Variants in PBRM1 observed in about 807,000 individuals in gnomAD.
PBRM1 encodes the protein polybromo 1, also known as protein polybromo-1.
PBRM1 carries 27 observed loss-of-function variants against 194.5 expected under a neutral mutation model. The ratio of observed to expected loss-of-function variants is 0.14; its 90% CI spans 0.10 to 0.19. The LOEUF is 0.19. Among genes scored for constraint, PBRM1 ranks in the 10% least tolerant of loss-of-function variants. PBRM1 has a pLI of 1.00. For missense variants in PBRM1, 1,466 were observed against 2,077.2 expected, an observed-to-expected ratio of 0.71 and a Z score of 5.72; for synonymous variants, 655 against 693.2, an observed-to-expected ratio of 0.94 and a Z score of 0.87.
intron 15 of PBRM1, among the ~76,000 whole-genome samples, chr3:52,612,094 C>A (rs2094648244): frequency 6.6e-6 from 1 of 151,222 alleles, no homozygotes; most frequent in Non-Finnish European, 1.5e-5. Context: ...CCTGCCTCTA[C>A]TAAAAATACA....
At chr3:52,657,199 A>G (rs1181509741) in intron 5 of PBRM1, among the ~76,000 whole-genome samples, 2 of 152,218 alleles carry the variant, frequency 1.3e-5, no homozygotes, top group Non-Finnish European at 2.9e-5. Flanking sequence ...TTGTAAGACT[A>G]AAAAGTTCCA....
chr3:52,669,295 C>T (rs1377281738), intron 2 of PBRM1, among the ~76,000 whole-genome samples: 1 of 151,910 alleles, frequency 6.6e-6, no homozygotes, highest in Non-Finnish European at 1.5e-5. Context: ...TTATACCTTG[C>T]AGGAGAGGGG....
At chr3:52,685,812 C>T in exon 1 of PBRM1, 1 of 371,856 alleles carries the variant, frequency 2.7e-6, no homozygotes, top group East Asian at 5.0e-5. Context: ...GCCCCGTGGC[C>T]GCCACGGCTG....
chr3:52,676,102 G>A lies in PBRM1; in HGVS notation c.236+2398C>T, dbSNP rs1203331489. 3.1e-4 allele frequency among the ~76,000 whole-genome samples: 9 copies of A among 29,156 alleles called. 3 individuals are homozygous for A. In the East Asian group the frequency reaches 4.5e-3, roughly 15 times the overall value. 19.1% of individuals were successfully genotyped at this position (29,156 alleles called of 152,430 possible). A position where few individuals can be genotyped will look rare whatever the true frequency, so the allele number is the denominator to read the frequency against. Reference sequence around the variant, plus strand: ...TGCACTCCAGCCTGGGCGACAGAGCGAGACTCCGTCTCAAAAAAAAAAAAA... The same window carrying A: ...TGCACTCCAGCCTGGGCGACAGAGCAAGACTCCGTCTCAAAAAAAAAAAAA... On this transcript the variant is annotated intron_variant, in intron 2 of 29. Transcript: ENST00000296302.
chr3:52,619,240 G>A (rs887730234), intron 13 of PBRM1, among the ~76,000 whole-genome samples: 1 of 152,166 alleles, frequency 6.6e-6, no homozygotes, highest in Non-Finnish European at 1.5e-5. Context: ...CTATAGTATA[G>A]TCATCCCTTG....
chr3:52,654,137 T>C (rs1014275470), intron 5 of PBRM1, among the ~76,000 whole-genome samples: 7 of 152,114 alleles, frequency 4.6e-5, no homozygotes, highest in Non-Finnish European at 1.0e-4. Flanking sequence ...TCAGGGGAAG[T>C]CAGATTGTGC....
intron 12 of PBRM1, 132 bp downstream of exon 13, chr3:52,628,762 G>T (rs1277315820): frequency 2.5e-6 from 2 of 812,364 alleles, no homozygotes; most frequent in Non-Finnish European, 4.0e-6. Context: ...GTGAGCCACC[G>T]CACCCAGCCA....
Position 52,621,269 on chromosome 3 carries a change from C to T in PBRM1, c.1542-3731G>A, listed in dbSNP as rs1450133246. On this transcript the variant is annotated intron_variant, in intron 13 of 29. Transcript: ENST00000296302. Reference sequence around the variant, plus strand: ...CCGCCTCCCAGGTTCACACCATTCTCCTGCCTCAGCCTCCCAAGTAGCTGG... The same window carrying T: ...CCGCCTCCCAGGTTCACACCATTCTTCTGCCTCAGCCTCCCAAGTAGCTGG... Among the ~76,000 whole-genome samples the T allele has an allele frequency of 2.6e-5, 4 of 152,178 alleles. No homozygotes were observed. In the East Asian group the frequency reaches 5.8e-4, roughly 22 times the overall value.
chr3:52,590,816 T>C (rs1306904053), intron 17 of PBRM1, among the ~76,000 whole-genome samples: 1 of 152,298 alleles, frequency 6.6e-6, no homozygotes, highest in East Asian at 1.9e-4. Flanking sequence ...ATTGGTAATT[T>C]CATACGATTA....
At chr3:52,651,849 C>CT in intron 5 of PBRM1, 39 bp from the exon 7 acceptor site, 4 of 1,284,106 alleles carry the variant, frequency 3.1e-6, no homozygotes, top group South Asian at 1.3e-5. Flanking sequence ...ATAAGTTAAA[C>CT]TATTCAGCTA....
At chr3:52,586,449 A>G (rs2153762564) in exon 20 of PBRM1, 1 of 1,613,564 alleles carries the variant, frequency 6.2e-7, no homozygotes, top group Non-Finnish European at 8.5e-7. Context: ...AATTGTCTTC[A>G]GCTCGACTGT....
At chr3:52,632,935 T>C (rs947687210) in intron 11 of PBRM1, among the ~76,000 whole-genome samples, 2 of 152,064 alleles carry the variant, frequency 1.3e-5, no homozygotes, top group East Asian at 3.9e-4. Context: ...CTCAAGTGAT[T>C]TGCCCACCAA....
chr3:52,548,036 C>T (rs1347776609), exon 30 of PBRM1: 18 of 1,590,014 alleles, frequency 1.1e-5, no homozygotes, highest in Non-Finnish European at 1.5e-5. Flanking sequence ...CTTTATGCTT[C>T]TATATAAAAG....
At chr3:52,597,862 C>T (rs1351562629) in intron 17 of PBRM1, among the ~76,000 whole-genome samples, 2 of 152,220 alleles carry the variant, frequency 1.3e-5, no homozygotes, top group South Asian at 4.2e-4. Flanking sequence ...TACCACCACA[C>T]CCGGCTAATT....
At chr3:52,613,337 GTTT>G (rs577658031) in intron 15 of PBRM1, among the ~76,000 whole-genome samples, 1 of 140,152 alleles carries the variant, frequency 7.1e-6, no homozygotes. Context: ...GGACTATTCT[GTTT>G]TTTTTTTTTT....
chr3:52,554,715 A>G lies in PBRM1; in HGVS notation c.4609+9T>C, dbSNP rs1224828726. ...GAGATTAATGAGTGAATGAGGATGA[A>G]GTTCTTACCCGGTGGTGGGATGCCC... On this transcript the variant is annotated intron_variant, in intron 27 of 29. Transcript: ENST00000296302. 1 of 1,542,684 alleles carries G rather than the reference A, an allele frequency of 6.5e-7. No individual in the cohort carries two copies. The highest frequency in any genetic ancestry group is 8.7e-7 in the Non-Finnish European group (1 of 1,151,562).
At chr3:52,651,718 A>G in intron 6 of PBRM1, 24 bp downstream of exon 7, 1 of 1,433,160 alleles carries the variant, frequency 7.0e-7, no homozygotes, top group Non-Finnish European at 9.7e-7. Context: ...AACCACAATC[A>G]TTTACTTATG....
chr3:52,616,189 T>C (rs891069970), intron 14 of PBRM1, among the ~76,000 whole-genome samples: 1 of 152,214 alleles, frequency 6.6e-6, no homozygotes, highest in Admixed American at 6.5e-5. Flanking sequence ...CTGAGGACTG[T>C]GTAAACCCTT....
intron 4 of PBRM1, 60 bp downstream of exon 5, chr3:52,662,073 G>C (rs2153913158): frequency 6.4e-7 from 1 of 1,555,428 alleles, no homozygotes; most frequent in Admixed American, 1.8e-5. Flanking sequence ...GGAATCACAA[G>C]CAGGGGCCCT....
Sources: gnomAD v4.1 joint callset for allele counts (sites outside exome capture counted in the v4.1 genomes callset) on GRCh38, gnomAD v4.1.1 for gene constraint, MANE v1.5 for transcripts, NCBI Gene and HGNC (gene_info 2026-07-23, HGNC 2026-07-21) for gene names.